Variants in GPHN observed in about 807,000 individuals in gnomAD.
The protein encoded by GPHN is gephyrin.
In GPHN, 17 loss-of-function variants were observed where a neutral mutation model predicts 95.5. The ratio of observed to expected loss-of-function variants is 0.18; its 90% CI spans 0.12 to 0.27. GPHN has a LOEUF of 0.27. Ranked by LOEUF, GPHN falls within the 10% of genes least tolerant of loss-of-function variation. GPHN has a pLI of 1.00. For missense variants in GPHN, 660 were observed against 978.1 expected, an observed-to-expected ratio of 0.67 and a Z score of 4.34; for synonymous variants, 320 against 322.5, an observed-to-expected ratio of 0.99 and a Z score of 0.08.
chr14:66,530,981 AGT>A (rs1491470271), intron 1 of GPHN, among the ~76,000 whole-genome samples: 5 of 118,032 alleles, frequency 4.2e-5, no homozygotes, highest in African/African-American at 1.8e-4. Context: ...TTTGATACGG[AGT>A]CTCTCTCTGT....
chr14:67,698,271 A>G, the GPHN span, among the ~76,000 whole-genome samples: 1 of 152,268 alleles, frequency 6.6e-6, no homozygotes, highest in East Asian at 1.9e-4. Context: ...CATTGGAGCC[A>G]TAATGGAATC....
At chr14:66,985,756 A>AT (rs201927021) in intron 9 of GPHN, 21,566 of 1,478,684 alleles carry the variant, frequency 0.015, 196 homozygotes, top group Non-Finnish European at 0.017. Context: ...TGTTTCTAAC[A>AT]TTTTTTGGCA....
At chr14:66,607,075 G>A (rs571442560) in intron 1 of GPHN, among the ~76,000 whole-genome samples, 140 of 152,144 alleles carry the variant, frequency 9.2e-4, no homozygotes, top group Non-Finnish European at 1.3e-3. Flanking sequence ...TTGGCTGTGG[G>A]TTTTTCATTG....
At chr14:67,549,493 A>G in the GPHN span, among the ~76,000 whole-genome samples, 1 of 150,878 alleles carries the variant, frequency 6.6e-6, no homozygotes, top group African/African-American at 2.4e-5. Context: ...CTGGTCTTGA[A>G]CTCCAGACCT....
intron 2 of GPHN, among the ~76,000 whole-genome samples, chr14:66,727,078 A>G (rs1486783511): frequency 1.3e-5 from 2 of 152,164 alleles, no homozygotes; most frequent in Non-Finnish European, 2.9e-5. Context: ...GGTCTCTCCC[A>G]TGCTGTTCTA....
At chr14:66,863,997 G>A (rs1349034011) in intron 4 of GPHN, among the ~76,000 whole-genome samples, 2 of 152,076 alleles carry the variant, frequency 1.3e-5, no homozygotes, top group African/African-American at 2.4e-5. Context: ...CTTCTGCAGA[G>A]CAAAGGAACA....
the GPHN span, among the ~76,000 whole-genome samples, chr14:67,687,690 T>A: frequency 6.6e-6 from 1 of 151,884 alleles, no homozygotes; most frequent in East Asian, 1.9e-4. Flanking sequence ...AGGCTGGTCT[T>A]GAACTCCTGA....
intron 1 of GPHN, among the ~76,000 whole-genome samples, chr14:66,554,650 C>G (rs1257834300): frequency 6.6e-6 from 1 of 152,140 alleles, no homozygotes; most frequent in Non-Finnish European, 1.5e-5. Flanking sequence ...AGTTTCCTCC[C>G]TTAATACCCG....
intron 2 of GPHN, among the ~76,000 whole-genome samples, chr14:66,775,820 G>A (rs534707354): frequency 6.6e-6 from 1 of 152,212 alleles, no homozygotes; most frequent in South Asian, 2.1e-4. Flanking sequence ...ACTGTCTCAA[G>A]GCAAAGAACA....
the GPHN span, among the ~76,000 whole-genome samples, chr14:67,439,533 GTTTC>G: frequency 0.083 from 7,968 of 95,778 alleles, 308 homozygotes; most frequent in East Asian, 0.091. Context: ...AAATTCAATA[GTTTC>G]TTTCTTTCTT....
intron 8 of GPHN, among the ~76,000 whole-genome samples, chr14:66,935,313 C>G (rs1326790699): frequency 6.6e-6 from 1 of 151,974 alleles, no homozygotes; most frequent in East Asian, 1.9e-4. Context: ...TAATGATGCT[C>G]CCTAAGCTGT....
At chr14:67,481,119 C>A in the GPHN span, among the ~76,000 whole-genome samples, 1 of 151,978 alleles carries the variant, frequency 6.6e-6, no homozygotes, top group Non-Finnish European at 1.5e-5. Context: ...AGCGAGACCA[C>A]CATCTCTACA....
chr14:66,783,572 G>A (rs555316223), intron 3 of GPHN, among the ~76,000 whole-genome samples: 1 of 152,302 alleles, frequency 6.6e-6, no homozygotes, highest in South Asian at 2.1e-4. Context: ...GTGAGGCCTG[G>A]CAGAGAGGTG....
the GPHN span, among the ~76,000 whole-genome samples, chr14:67,322,149 C>T: frequency 6.6e-6 from 1 of 151,956 alleles, no homozygotes; most frequent in Non-Finnish European, 1.5e-5. Context: ...AGTTCCAGAC[C>T]AGCCTGGGCA....
the GPHN span, among the ~76,000 whole-genome samples, chr14:67,542,861 C>T: frequency 1.3e-5 from 2 of 152,038 alleles, no homozygotes; most frequent in African/African-American, 2.4e-5. Flanking sequence ...CCACCACGCC[C>T]GGCTAATTTT....
chr14:67,724,430 C>T, the GPHN span: 11 of 1,160,964 alleles, frequency 9.5e-6, no homozygotes, highest in South Asian at 1.0e-4. Context: ...AGTGTGAGCT[C>T]GTGAAGGATG....
At chr14:67,204,735 G>A in the GPHN span, 9 of 1,613,932 alleles carry the variant, frequency 5.6e-6, no homozygotes, top group South Asian at 2.2e-5. Context: ...AAGTGTCGGA[G>A]GTTTCAAGTC....
chr14:67,600,937 G>T, the GPHN span, among the ~76,000 whole-genome samples: 11 of 152,340 alleles, frequency 7.2e-5, no homozygotes, highest in African/African-American at 2.4e-4. Context: ...AAGCCAGAGT[G>T]AGCCGCAAGG....
chr14:67,586,865 G>C, the GPHN span: 20 of 1,514,808 alleles, frequency 1.3e-5, no homozygotes, highest in Admixed American at 2.8e-4. Context: ...CTGTGCATCT[G>C]AGAGGATCTC....
Sources: allele counts gnomAD v4.1 joint callset (sites outside exome capture counted in the v4.1 genomes callset), GRCh38; gene constraint gnomAD v4.1.1; transcripts MANE v1.5; gene names NCBI Gene and HGNC (gene_info 2026-07-23, HGNC 2026-07-21).